The following EYS variants were observed in gnomAD, a reference collection of about 807,000 sequenced individuals.
The protein encoded by EYS is protein eyes shut homolog.
EYS carries 250 observed loss-of-function variants against 282.1 expected under a neutral mutation model. The ratio of observed to expected loss-of-function variants is 0.89; its 90% confidence interval spans 0.80 to 0.98. EYS has a LOEUF of 0.98. Ranked by LOEUF, EYS falls within the 50% of genes least tolerant of loss-of-function variation. EYS has a pLI of 0.00. For missense variants in EYS, 4,016 were observed against 3,709.0 expected, an observed-to-expected ratio of 1.08 and a Z score of -2.15; for synonymous variants, 1,355 against 1,282.9, an observed-to-expected ratio of 1.06 and a Z score of -1.20.
intron 12 of EYS, among the ~76,000 whole-genome samples, chr6:65,272,208 G>A (rs1459161990): frequency 6.6e-6 from 1 of 152,162 alleles, no homozygotes; most frequent in Admixed American, 6.5e-5. Context: ...TAAGTGGTTG[G>A]TTAGGAGTAC....
chr6:65,078,242 A>C (rs551813206), intron 12 of EYS, among the ~76,000 whole-genome samples: 1 of 152,236 alleles, frequency 6.6e-6, no homozygotes, highest in Admixed American at 6.5e-5. Context: ...ATTTTATGTC[A>C]ACTATTATTT....
chr6:64,124,546 A>G lies in EYS; in HGVS notation c.6425-42544T>C, dbSNP rs550080009. Among the ~76,000 whole-genome samples, 34 of 152,332 alleles carry G rather than the reference A, an allele frequency of 2.2e-4. No individual in the cohort carries two copies. In the East Asian group the frequency reaches 6.4e-3, roughly 29 times the overall value. Reference sequence around the variant, plus strand: ...TAACACAACATTTGATGTTGGAGTTACTGCAGTTCAGTGGAAGACAAATGT... The same window carrying G: ...TAACACAACATTTGATGTTGGAGTTGCTGCAGTTCAGTGGAAGACAAATGT... On this transcript the variant is annotated intron_variant, in intron 31 of 42. Transcript: ENST00000503581.
chr6:64,274,491 T>TTTTG (rs925270465), intron 30 of EYS, among the ~76,000 whole-genome samples: 1 of 149,262 alleles, frequency 6.7e-6, no homozygotes, highest in Non-Finnish European at 1.5e-5. Context: ...GTTTTTTTTT[T>TTTTG]TTTTTTTTTT....
intron 36 of EYS, among the ~76,000 whole-genome samples, chr6:63,816,744 G>T (rs533153747): frequency 6.6e-6 from 1 of 152,326 alleles, no homozygotes; most frequent in South Asian, 2.1e-4. Flanking sequence ...GTACATGTAC[G>T]CAAATAAGAA....
chr6:64,892,833 A>C (rs1402198897), intron 18 of EYS, among the ~76,000 whole-genome samples: 2 of 152,094 alleles, frequency 1.3e-5, no homozygotes, highest in Non-Finnish European at 2.9e-5. Flanking sequence ...AAACAATTAC[A>C]GAAGAGTAAA....
chr6:64,997,230 A>G lies in EYS; in HGVS notation c.2259+352T>C, dbSNP rs115079179. On this transcript the variant is annotated intron_variant, in intron 14 of 42. Coordinates refer to ENST00000503581, the MANE Select transcript of EYS (RefSeq NM_001142800.2). Reference sequence around the variant, plus strand: ...AATGAAATACATGTGTGAATGTAATACCATGAGTTAGATAAAAATAGGTGG... The same window carrying G: ...AATGAAATACATGTGTGAATGTAATGCCATGAGTTAGATAAAAATAGGTGG... Among the ~76,000 whole-genome samples, 175 of 152,322 alleles carry G rather than the reference A, an allele frequency of 1.1e-3. 1 individual carries two copies. Among genetic ancestry groups the G allele is most frequent in the African/African-American group, 4.0e-3 (168 of 41,578 alleles).
At chr6:64,230,877 C>T (rs1411715640) in intron 30 of EYS, 53 bp from the exon 31 acceptor site, 5 of 1,068,140 alleles carry the variant, frequency 4.7e-6, no homozygotes, top group Admixed American at 2.6e-5. Flanking sequence ...GCACTAGGAA[C>T]ATAAATAGAA....
rs1354489200 is a variant in EYS, at chr6:64,306,962, T to G, written c.6191+8A>C. 7.7e-7 allele frequency: 1 copy of G among 1,300,562 alleles called. No homozygotes were observed. Among genetic ancestry groups the G allele is most frequent in the Admixed American group, 2.0e-5 (1 of 50,042 alleles). 80.6% of individuals were successfully genotyped at this position (1,300,562 alleles called of 1,614,324 possible). A position where few individuals can be genotyped will look rare whatever the true frequency, so the allele number is the denominator to read the frequency against. On this transcript the variant is annotated splice_region_variant and intron_variant, in intron 30 of 42. Coordinates refer to ENST00000503581, the MANE Select transcript of EYS (RefSeq NM_001142800.2). ...AAGTTATTAGAAAAATCACTACTGCTATTTTACCTGCAATTGTTAATGTGA... is the reference window on the plus strand; with the variant it reads ...AAGTTATTAGAAAAATCACTACTGCGATTTTACCTGCAATTGTTAATGTGA...
At chr6:65,497,422 A>G (rs922555156) in intron 2 of EYS, among the ~76,000 whole-genome samples, 2 of 152,074 alleles carry the variant, frequency 1.3e-5, no homozygotes, top group African/African-American at 2.4e-5. Flanking sequence ...TGCCAAAGGA[A>G]AAATGTTCCA....
At chr6:64,286,149 C>A (rs1464461917) in intron 30 of EYS, among the ~76,000 whole-genome samples, 1 of 152,136 alleles carries the variant, frequency 6.6e-6, no homozygotes, top group Admixed American at 6.6e-5. Context: ...ACCCAGGAAA[C>A]CCCGACAGCA....
chr6:64,990,080 T>C (rs2150121905), intron 14 of EYS, among the ~76,000 whole-genome samples: 1 of 151,602 alleles, frequency 6.6e-6, no homozygotes, highest in African/African-American at 2.4e-5. Flanking sequence ...ATTTTTTACT[T>C]TTAATAAACT....
At chr6:64,668,229 C>T (rs1583019512) in intron 22 of EYS, among the ~76,000 whole-genome samples, 1 of 152,072 alleles carries the variant, frequency 6.6e-6, no homozygotes, top group Non-Finnish European at 1.5e-5. Context: ...AAAGGACTAA[C>T]AGAACAAAAG....
chr6:63,873,255 T>C (rs1487296226), intron 35 of EYS, among the ~76,000 whole-genome samples: 1 of 151,514 alleles, frequency 6.6e-6, no homozygotes. Flanking sequence ...ATGAGATGCT[T>C]GGTTTTCTGT....
intron 33 of EYS, among the ~76,000 whole-genome samples, chr6:64,045,937 T>C (rs1770605102): frequency 6.8e-6 from 1 of 147,646 alleles, no homozygotes; most frequent in Non-Finnish European, 1.5e-5. Context: ...ATATAATACA[T>C]ATATGTGTGT....
intron 26 of EYS, among the ~76,000 whole-genome samples, chr6:64,525,174 G>A: frequency 6.6e-6 from 1 of 151,714 alleles, no homozygotes; most frequent in East Asian, 1.9e-4. Context: ...TCATTGCTGG[G>A]TATATACCCA....
intron 1 of EYS, among the ~76,000 whole-genome samples, chr6:65,681,165 A>G (rs563757590): frequency 6.6e-6 from 1 of 151,236 alleles, no homozygotes; most frequent in East Asian, 2.0e-4. Flanking sequence ...AATGAGCCAC[A>G]GGTTGAAGGC....
intron 5 of EYS, among the ~76,000 whole-genome samples, chr6:65,423,906 A>T (rs1368755545): frequency 4.6e-5 from 7 of 151,904 alleles, no homozygotes; most frequent in African/African-American, 1.7e-4. Context: ...ATTTAATTAT[A>T]TTTGTTGAAT....
At chr6:65,019,589 CA>C in intron 13 of EYS, among the ~76,000 whole-genome samples, 1 of 152,268 alleles carries the variant, frequency 6.6e-6, no homozygotes, top group East Asian at 1.9e-4. Flanking sequence ...TTAAGCATTT[CA>C]AAAAGTACCT....
chr6:64,379,436 A>T (rs371781952), intron 29 of EYS: 1 of 152,168 alleles, frequency 6.6e-6, no homozygotes. Flanking sequence ...GGGAATATTG[A>T]TGGACTTTGA....
Sources: gnomAD v4.1 joint callset for allele counts (sites outside exome capture counted in the v4.1 genomes callset) on GRCh38, gnomAD v4.1.1 for gene constraint, MANE v1.5 for transcripts, NCBI Gene and HGNC (gene_info 2026-07-23, HGNC 2026-07-21) for gene names.